MAML3: variants seen among roughly 807,000 people sequenced by gnomAD.
MAML3 encodes the protein mastermind-like protein 3.
In MAML3, 27 loss-of-function variants were observed where a neutral mutation model predicts 101.9. The observed-to-expected ratio is 0.27, with a 90% CI of 0.20 to 0.37. The LOEUF (loss-of-function observed/expected upper bound fraction) is 0.37, where lower values mean the gene tolerates loss of function less well. Among genes scored for constraint, MAML3 ranks in the 10% least tolerant of loss-of-function variants. The pLI is 1.00. For synonymous variants in MAML3, 501 were observed against 555.9 expected, an observed-to-expected ratio of 0.90 and a Z score of 1.39; for missense variants, 1,316 against 1,444.9, an observed-to-expected ratio of 0.91 and a Z score of 1.45.
At chr4:139,859,342 G>A (rs993409903) in intron 2 of MAML3, among the ~76,000 whole-genome samples, 12 of 150,864 alleles carry the variant, frequency 8.0e-5, no homozygotes, top group East Asian at 2.0e-4. Context: ...TCCTCCTGCC[G>A]GAGTAGCATA....
At chr4:139,731,891 C>T (rs1172367704) in intron 2 of MAML3, among the ~76,000 whole-genome samples, 1 of 152,054 alleles carries the variant, frequency 6.6e-6, no homozygotes, top group African/African-American at 2.4e-5. Context: ...GGTGTGTGGC[C>T]CAGATTCAAT....
intron 1 of MAML3, among the ~76,000 whole-genome samples, chr4:139,972,115 A>G (rs913291970): frequency 6.6e-6 from 1 of 152,108 alleles, no homozygotes; most frequent in Non-Finnish European, 1.5e-5. Context: ...GGTTTGTTAC[A>G]TAGGTAAATG....
At chr4:139,757,481 C>T (rs1729676425) in intron 2 of MAML3, among the ~76,000 whole-genome samples, 1 of 152,028 alleles carries the variant, frequency 6.6e-6, no homozygotes, top group Admixed American at 6.6e-5. Context: ...GAAACCCCAT[C>T]TCTACTAAAA....
chr4:139,935,957 C>T (rs571274857), intron 1 of MAML3, among the ~76,000 whole-genome samples: 43 of 152,204 alleles, frequency 2.8e-4, no homozygotes, highest in Non-Finnish European at 1.3e-4. Flanking sequence ...CTGTAGTTAC[C>T]ATATTGTACA....
intron 1 of MAML3, among the ~76,000 whole-genome samples, chr4:140,025,869 T>C (rs1726814460): frequency 6.6e-6 from 1 of 152,210 alleles, no homozygotes; most frequent in African/African-American, 2.4e-5. Context: ...CTCCCATGGA[T>C]TGGCTCTCAG....
intron 1 of MAML3, among the ~76,000 whole-genome samples, chr4:139,912,469 C>T (rs959835768): frequency 6.6e-5 from 10 of 152,180 alleles, no homozygotes; most frequent in African/African-American, 2.4e-4. Context: ...GAAGTCTAGG[C>T]ACTGTTGTGG....
intron 2 of MAML3, among the ~76,000 whole-genome samples, chr4:139,868,508 A>G (rs1390144605): frequency 6.6e-6 from 1 of 152,226 alleles, no homozygotes; most frequent in Non-Finnish European, 1.5e-5. Flanking sequence ...GAAGTTAAGC[A>G]AAGCCTGGGC....
chr4:140,080,604 A>G (rs1727847375), intron 1 of MAML3, among the ~76,000 whole-genome samples: 1 of 152,142 alleles, frequency 6.6e-6, no homozygotes. Context: ...TTTGCAGAGC[A>G]CCTCTAAAAA....
rs1158768228 is a variant in MAML3, at chr4:140,106,963, T to C, written c.468+45897A>G. The stretch of plus-strand genomic sequence containing the variant: ...TCGGCTCACTGCAACCTCTGCCTCC[T>C]GGGTTCAAGCGATTCTCCAGCCTCA... On this transcript the variant is annotated intron_variant, in intron 1 of 4. Coordinates refer to ENST00000509479, the MANE Select transcript of MAML3 (RefSeq NM_018717.5). Among the ~76,000 whole-genome samples the C allele has an allele frequency of 2.0e-5, 3 of 152,120 alleles. No homozygotes were observed. The South Asian group carries it at 6.2e-4, about 32-fold the overall frequency.
At chr4:139,858,452 C>CTTTTTTTTTTTT (rs59968954) in intron 2 of MAML3, among the ~76,000 whole-genome samples, 1 of 131,390 alleles carries the variant, frequency 7.6e-6, no homozygotes, top group Non-Finnish European at 1.6e-5. Flanking sequence ...TGATTCTTGG[C>CTTTTTTTTTTTT]TTTTTTTTTT....
At chr4:139,758,535 T>A (rs936649020) in intron 2 of MAML3, among the ~76,000 whole-genome samples, 1 of 152,212 alleles carries the variant, frequency 6.6e-6, no homozygotes, top group African/African-American at 2.4e-5. Flanking sequence ...AACCTCGATT[T>A]GTATGACCCA....
chr4:139,751,745 A>C (rs1729509521), intron 2 of MAML3, among the ~76,000 whole-genome samples: 1 of 152,168 alleles, frequency 6.6e-6, no homozygotes, highest in Non-Finnish European at 1.5e-5. Context: ...AGGGAGGAGG[A>C]AAGAGGACAC....
intron 2 of MAML3, among the ~76,000 whole-genome samples, chr4:139,750,890 T>C (rs964884182): frequency 4.6e-5 from 7 of 152,216 alleles, no homozygotes; most frequent in Non-Finnish European, 8.8e-5. Flanking sequence ...TGTTTTGCTT[T>C]TACATTTCTG....
chr4:139,781,044 C>T (rs967152051), intron 2 of MAML3, among the ~76,000 whole-genome samples: 1 of 152,156 alleles, frequency 6.6e-6, no homozygotes, highest in Non-Finnish European at 1.5e-5. Context: ...GCACTCACAT[C>T]CCTATGCCCA....
chr4:139,925,562 C>A (rs1387771666), intron 1 of MAML3, among the ~76,000 whole-genome samples: 1 of 151,672 alleles, frequency 6.6e-6, no homozygotes, highest in African/African-American at 2.4e-5. Context: ...GATAAAGTGG[C>A]CAAAAAAAAC....
chr4:140,014,617 T>C (rs554576317), intron 1 of MAML3, among the ~76,000 whole-genome samples: 1 of 152,248 alleles, frequency 6.6e-6, no homozygotes, highest in Non-Finnish European at 1.5e-5. Context: ...GTATATATAA[T>C]GACAAAAACA....
intron 1 of MAML3, among the ~76,000 whole-genome samples, chr4:140,107,566 G>A (rs1218354686): frequency 6.7e-6 from 1 of 149,996 alleles, no homozygotes; most frequent in African/African-American, 2.5e-5. Flanking sequence ...ATGCAGTGGC[G>A]CGATCTCGGC....
At position 140,130,284 on chromosome 4, in the gene MAML3, C is replaced by T. The variant is rs78798501; in HGVS notation, c.468+22576G>A. ...CTTAGAATTGAAGGAACAATGTCTA[C>T]GCTTACAGACTATTGTTTGCATATA... On this transcript the variant is annotated intron_variant, in intron 1 of 4. Coordinates refer to ENST00000509479, the MANE Select transcript of MAML3 (RefSeq NM_018717.5). Among the ~76,000 whole-genome samples the T allele has an allele frequency of 2.3e-3, 351 of 152,308 alleles. 2 individuals carry two copies. Among genetic ancestry groups the T allele is most frequent in the African/African-American group, 8.1e-3 (335 of 41,556 alleles).
chr4:139,983,250 G>T (rs557154853), intron 1 of MAML3, among the ~76,000 whole-genome samples: 1 of 152,076 alleles, frequency 6.6e-6, no homozygotes, highest in Admixed American at 6.6e-5. Context: ...CCTGTGCTTC[G>T]CCTATTCAAT....
Sources: allele counts gnomAD v4.1 joint callset (sites outside exome capture counted in the v4.1 genomes callset), GRCh38; gene constraint gnomAD v4.1.1; transcripts MANE v1.5; gene names NCBI Gene and HGNC (gene_info 2026-07-23, HGNC 2026-07-21).